The following NBN variants were observed in gnomAD, a reference collection of about 807,000 sequenced individuals.
NBN encodes the protein Nijmegen breakage syndrome 1 (nibrin).
A neutral mutation model predicts 90.8 loss-of-function variants in NBN; 88 were observed. The ratio of observed to expected loss-of-function variants is 0.97; its 90% CI spans 0.82 to 1.16. The LOEUF (loss-of-function observed/expected upper bound fraction) is 1.16, where lower values mean the gene tolerates loss of function less well. NBN is among the 50% of genes most tolerant of loss of function. The pLI is 0.00. For missense variants in NBN, 894 were observed against 869.6 expected, an observed-to-expected ratio of 1.03 and a Z score of -0.35; for synonymous variants, 328 against 295.1, an observed-to-expected ratio of 1.11 and a Z score of -1.14.
intron 7 of NBN, among the ~76,000 whole-genome samples, chr8:89,965,477 C>T (rs989402013): frequency 6.6e-6 from 1 of 151,656 alleles, no homozygotes; most frequent in Non-Finnish European, 1.5e-5. Context: ...GTCTTCAATA[C>T]TCATTGTAAA....
At chr8:89,947,340 T>C (rs1371998232) in intron 12 of NBN, among the ~76,000 whole-genome samples, 5 of 152,072 alleles carry the variant, frequency 3.3e-5, no homozygotes, top group African/African-American at 1.2e-4. Flanking sequence ...TATAATACGA[T>C]CTATCCAGGC....
At chr8:89,960,080 T>TA (rs1310539934) in intron 8 of NBN, among the ~76,000 whole-genome samples, 1 of 152,172 alleles carries the variant, frequency 6.6e-6, no homozygotes, top group Non-Finnish European at 1.5e-5. Context: ...AGAGTAGATG[T>TA]AAAAAAAGTT....
rs75602753 is a variant in NBN, at chr8:89,953,803, G to A, written c.1398-112C>T. ...TCCATTTAGTTCACAATGTACTCTT[G>A]ATTTTATTAACAATATTACTGGAAA... On this transcript the variant is annotated intron_variant, in intron 10 of 15. Coordinates refer to ENST00000265433, the MANE Select transcript of NBN (RefSeq NM_002485.5). 1,045 of 796,490 alleles carry A rather than the reference G, an allele frequency of 1.3e-3. 10 individuals are homozygous for A. The African/African-American group carries it at 0.016, about 12-fold the overall frequency. The allele number at this position is 796,490 out of a possible 1,614,324, so 49.3% of individuals were successfully genotyped here. A position where few individuals can be genotyped will look rare whatever the true frequency, so the allele number is the denominator to read the frequency against.
intron 8 of NBN, among the ~76,000 whole-genome samples, chr8:89,959,320 T>A (rs1810883364): frequency 6.6e-6 from 1 of 152,198 alleles, no homozygotes; most frequent in Non-Finnish European, 1.5e-5. Context: ...CAGAAAACCA[T>A]AATGATTACC....
intron 8 of NBN, among the ~76,000 whole-genome samples, chr8:89,960,913 T>A (rs772220754): frequency 6.6e-6 from 1 of 152,162 alleles, no homozygotes; most frequent in Non-Finnish European, 1.5e-5. Context: ...CCAAAGTTGG[T>A]TGTGCTATAA....
At chr8:89,956,150 C>A (rs1810705257) in intron 9 of NBN, among the ~76,000 whole-genome samples, 1 of 148,956 alleles carries the variant, frequency 6.7e-6, no homozygotes. Flanking sequence ...TTTACTTTTA[C>A]AAAGTATGGT....
chr8:89,976,029 T>C (rs891835095), intron 5 of NBN, among the ~76,000 whole-genome samples: 6 of 152,074 alleles, frequency 3.9e-5, no homozygotes, highest in Non-Finnish European at 7.4e-5. Context: ...TTTTTTTGAG[T>C]CGCCCAGGCT....
At chr8:89,937,287 T>C (rs1809737333) in intron 14 of NBN, 4 of 559,198 alleles carry the variant, frequency 7.2e-6, no homozygotes, top group Non-Finnish European at 1.3e-5. Context: ...ACTAAACAGC[T>C]TTCTCCCACC....
rs1809551167 is a variant in NBN, at chr8:89,934,002, G to C, written c.*1580C>G. On this transcript the variant is annotated 3_prime_UTR_variant, in exon 16 of 16. Transcript: ENST00000265433. ...ATATTTGTAAAGACAGGAGGTACCA[G>C]AACTCTCATTCATTATATTCATAAA... The C allele has an allele frequency of 1.7e-5, 4 of 230,986 alleles. No homozygotes were observed. The highest frequency in any genetic ancestry group is 3.4e-5 in the Non-Finnish European group (4 of 116,752). 14.3% of individuals were successfully genotyped at this position (230,986 alleles called of 1,614,324 possible).
rs1051287797 is a variant in NBN, at chr8:89,935,949, A to G, written c.2235-337T>C. The G allele has an allele frequency of 8.8e-5, 30 of 341,996 alleles. 1 individual carries two copies. Among genetic ancestry groups the G allele is most frequent in the South Asian group, 6.5e-4 (26 of 39,952 alleles). 21.2% of individuals were successfully genotyped at this position (341,996 alleles called of 1,614,324 possible). ...CCCCATTCCTCCCCATAATAAAAGC[A>G]TATCATTTGCACAAAAGAGCATAAT... On this transcript the variant is annotated intron_variant, in intron 15 of 15. Transcript: ENST00000265433.
In NBN at chr8:89,959,754, CA is replaced by C. The variant is rs13312899; in HGVS notation, c.995-901del. Reference sequence around the variant, plus strand: ...AAGACCCTATCTCAAAAAACAACAACAAAAAAGCAATAAACAAAATTCACTT... The same window carrying C: ...AAGACCCTATCTCAAAAAACAACAACAAAAAGCAATAAACAAAATTCACTT... On this transcript the variant is annotated intron_variant, in intron 8 of 15. Transcript: ENST00000265433. Among the ~76,000 whole-genome samples, 546 of 152,280 alleles carry C rather than the reference CA, an allele frequency of 3.6e-3. 10 individuals are homozygous for C. Among genetic ancestry groups the C allele is most frequent in the Admixed American group, 0.011 (167 of 15,300 alleles).
intron 4 of NBN, 38 bp from the exon 5 acceptor site, chr8:89,978,361 T>C (rs769218122): frequency 2.6e-6 from 4 of 1,543,440 alleles, no homozygotes; most frequent in South Asian, 1.1e-5. Flanking sequence ...TATATTCACA[T>C]GCTAGCATTT....
intron 7 of NBN, among the ~76,000 whole-genome samples, chr8:89,967,399 A>G (rs1811306884): frequency 6.6e-6 from 1 of 152,236 alleles, no homozygotes; most frequent in African/African-American, 2.4e-5. Context: ...TAACCACGTA[A>G]GTTATTTTCA....
At position 89,978,210 on chromosome 8, in the gene NBN, C is replaced by T. The variant is rs780093985; in HGVS notation, c.584+10G>A. On this transcript the variant is annotated intron_variant, in intron 5 of 15. Transcript: ENST00000265433. ...GTGACATCTTGTTATATTTAAAATA[C>T]ATAATATACCTTTCAATTTGTGGAG... is the stretch of plus-strand genomic sequence containing the variant. 1.3e-6 allele frequency: 2 copies of T among 1,593,846 alleles called. No homozygotes were observed. Among genetic ancestry groups the T allele is most frequent in the African/African-American group, 1.3e-5 (1 of 74,656 alleles).
intron 1 of NBN, 141 bp from the exon 2 acceptor site, chr8:89,982,996 A>T (rs1812150409): frequency 1.1e-6 from 1 of 895,304 alleles, no homozygotes; most frequent in African/African-American, 1.7e-5. Flanking sequence ...ATGTTAGTCA[A>T]CTTTACATAT....
Position 89,977,055 on chromosome 8 carries a change from T to A in NBN, c.584+1165A>T, listed in dbSNP as rs13312877. On this transcript the variant is annotated intron_variant, in intron 5 of 15. Transcript: ENST00000265433. ...TTCCTAACTGGCATAACATTTAAAA[T>A]TTTTTTTTTAATGTTACTTTAAGTT... is the stretch of plus-strand genomic sequence containing the variant. 6.7e-3 allele frequency among the ~76,000 whole-genome samples: 1,008 copies of A among 149,526 alleles called. 13 individuals are homozygous for A. The highest frequency in any genetic ancestry group is 0.024 in the African/African-American group (949 of 39,960).
chr8:89,946,606 C>T (rs1810205426), intron 12 of NBN: 2 of 304,250 alleles, frequency 6.6e-6, no homozygotes, highest in Non-Finnish European at 1.2e-5. Flanking sequence ...AAACAATTTA[C>T]CTCCAGATAT....
intron 14 of NBN, among the ~76,000 whole-genome samples, chr8:89,939,580 A>T (rs558437135): frequency 1.3e-5 from 2 of 152,330 alleles, no homozygotes; most frequent in Non-Finnish European, 2.9e-5. Flanking sequence ...ACGCTTAAAA[A>T]GTGCAGCTGT....
intron 13 of NBN, among the ~76,000 whole-genome samples, chr8:89,944,434 TC>T (rs1413947579): frequency 6.6e-6 from 1 of 152,132 alleles, no homozygotes; most frequent in Non-Finnish European, 1.5e-5. Flanking sequence ...CACCTTAAGG[TC>T]CATAAATGCT....
Sources: gnomAD v4.1 joint callset for allele counts (sites outside exome capture counted in the v4.1 genomes callset) on GRCh38, gnomAD v4.1.1 for gene constraint, MANE v1.5 for transcripts, NCBI Gene and HGNC (gene_info 2026-07-23, HGNC 2026-07-21) for gene names.